Variants in RPS6KC1 observed in about 807,000 individuals in gnomAD.
RPS6KC1 encodes the protein inactive ribosomal protein S6 kinase delta-1.
RPS6KC1 carries 54 observed loss-of-function variants against 103.8 expected under a neutral mutation model. That is an observed-to-expected ratio of 0.52 (90% CI 0.42 to 0.65). The LOEUF is 0.65. Ranked by LOEUF, RPS6KC1 falls within the 30% of genes least tolerant of loss-of-function variation. The pLI is 0.00. For synonymous variants in RPS6KC1, 439 were observed against 438.7 expected (o/e 1.00, Z -0.01); for missense variants, 1,151 against 1,253.8 (o/e 0.92, Z 1.24).
intron 8 of RPS6KC1, among the ~76,000 whole-genome samples, chr1:213,185,118 T>G (rs1437448412): frequency 6.6e-6 from 1 of 152,208 alleles, no homozygotes; most frequent in African/African-American, 2.4e-5. Flanking sequence ...AATCTGTCTT[T>G]TCTTTATTAG....
the RPS6KC1 span, among the ~76,000 whole-genome samples, chr1:213,675,323 G>A: frequency 6.6e-6 from 1 of 152,110 alleles, no homozygotes; most frequent in Non-Finnish European, 1.5e-5. Flanking sequence ...TGGAGTCCTC[G>A]GGAGGCTACT....
chr1:213,324,673 T>C, the RPS6KC1 span, among the ~76,000 whole-genome samples: 2 of 150,604 alleles, frequency 1.3e-5, no homozygotes, highest in African/African-American at 4.9e-5. Context: ...TTTCAAGATG[T>C]CTGTGTTATA....
the RPS6KC1 span, among the ~76,000 whole-genome samples, chr1:213,727,015 C>T: frequency 6.6e-6 from 1 of 152,224 alleles, no homozygotes; most frequent in Non-Finnish European, 1.5e-5. Flanking sequence ...CATGGGGCGG[C>T]TAAAGGGCCA....
the RPS6KC1 span, among the ~76,000 whole-genome samples, chr1:213,676,124 C>CATGCATGA: frequency 6.6e-6 from 1 of 152,298 alleles, no homozygotes; most frequent in Non-Finnish European, 1.5e-5. Context: ...TATACCTTTA[C>CATGCATGA]ACGTGTTGTT....
chr1:213,391,754 G>A, the RPS6KC1 span, among the ~76,000 whole-genome samples: 1 of 152,298 alleles, frequency 6.6e-6, no homozygotes, highest in South Asian at 2.1e-4. Flanking sequence ...ACAGTGCCTA[G>A]CACCAAACCA....
chr1:213,368,195 G>T, the RPS6KC1 span, among the ~76,000 whole-genome samples: 3 of 152,194 alleles, frequency 2.0e-5, no homozygotes, highest in Admixed American at 2.0e-4. Flanking sequence ...TCAGATAAAA[G>T]ACCACGTATT....
chr1:213,502,773 A>G, the RPS6KC1 span, among the ~76,000 whole-genome samples: 332 of 152,300 alleles, frequency 2.2e-3, 2 homozygotes, highest in South Asian at 9.1e-3. Flanking sequence ...TTTAGTGGTT[A>G]TCTTTGGGTG....
At chr1:213,275,377 G>T (rs568506396), downstream of RPS6KC1, among the ~76,000 whole-genome samples, 1 of 152,092 alleles carries the variant, frequency 6.6e-6, no homozygotes, top group South Asian at 2.1e-4. Flanking sequence ...TTATAGAAGG[G>T]TTTTTCCAGA....
the RPS6KC1 span, among the ~76,000 whole-genome samples, chr1:213,758,595 T>TGTGATTC: frequency 6.9e-6 from 1 of 144,610 alleles, no homozygotes; most frequent in Non-Finnish European, 1.5e-5. Context: ...AAAAAAAAAA[T>TGTGATTC]GTGATTCATG....
chr1:213,477,963 T>A, the RPS6KC1 span, among the ~76,000 whole-genome samples: 1 of 152,216 alleles, frequency 6.6e-6, no homozygotes, highest in Non-Finnish European at 1.5e-5. Context: ...ATAACATGTA[T>A]CCATCGTTAT....
At chr1:213,077,648 C>T in intron 2 of RPS6KC1, 48 bp from the exon 3 acceptor site, 1 of 1,208,264 alleles carries the variant, frequency 8.3e-7, no homozygotes, top group Non-Finnish European at 1.1e-6. Flanking sequence ...GTTCAGATAT[C>T]TGAACCTAAA....
At chr1:213,499,630 C>T in the RPS6KC1 span, among the ~76,000 whole-genome samples, 9 of 152,104 alleles carry the variant, frequency 5.9e-5, no homozygotes, top group Non-Finnish European at 1.3e-4. Context: ...CTGCTCACCT[C>T]CTGCTGTACG....
chr1:213,111,736 A>C (rs1014068302), intron 4 of RPS6KC1, among the ~76,000 whole-genome samples: 6 of 152,200 alleles, frequency 3.9e-5, no homozygotes, highest in African/African-American at 1.2e-4. Context: ...CTTAAATCGC[A>C]CACCTAGTGG....
the RPS6KC1 span, among the ~76,000 whole-genome samples, chr1:213,706,940 G>C: frequency 5.6e-4 from 85 of 152,188 alleles, no homozygotes; most frequent in Admixed American, 1.1e-3. Flanking sequence ...TCTTAATACT[G>C]TCTGTCATTG....
chr1:213,442,997 G>A, the RPS6KC1 span, among the ~76,000 whole-genome samples: 3 of 151,890 alleles, frequency 2.0e-5, no homozygotes, highest in Non-Finnish European at 4.4e-5. Context: ...GAGCATTGGG[G>A]TGTCTCTTTA....
the RPS6KC1 span, among the ~76,000 whole-genome samples, chr1:213,598,545 A>C: frequency 1.4e-3 from 211 of 152,212 alleles, 1 homozygote; most frequent in Non-Finnish European, 2.2e-3. Flanking sequence ...TTTTAGGTAA[A>C]TAAAAAAAAA....
chr1:213,677,686 A>T, the RPS6KC1 span, among the ~76,000 whole-genome samples: 1 of 152,142 alleles, frequency 6.6e-6, no homozygotes, highest in African/African-American at 2.4e-5. Flanking sequence ...GTTGTTGTAT[A>T]TTGAGAAGCA....
At chr1:213,329,041 G>C in the RPS6KC1 span, among the ~76,000 whole-genome samples, 1 of 152,168 alleles carries the variant, frequency 6.6e-6, no homozygotes, top group Non-Finnish European at 1.5e-5. Context: ...TTTCTTCAGA[G>C]AAGTGAAGAC....
chr1:213,229,308 AT>A (rs967998413), intron 8 of RPS6KC1, among the ~76,000 whole-genome samples: 1 of 151,298 alleles, frequency 6.6e-6, no homozygotes. Flanking sequence ...AAATTCTTCT[AT>A]TTTTTTCAAG....
Sources: gnomAD v4.1 joint callset for allele counts (sites outside exome capture counted in the v4.1 genomes callset) on GRCh38, gnomAD v4.1.1 for gene constraint, MANE v1.5 for transcripts, NCBI Gene and HGNC (gene_info 2026-07-23, HGNC 2026-07-21) for gene names.